Variants in ADAMTSL1 observed in about 807,000 individuals in gnomAD.
The protein encoded by ADAMTSL1 is ADAMTS like 1, also known as ADAMTS-like protein 1.
Under a neutral mutation model 201.8 loss-of-function variants are expected in ADAMTSL1, and 126 were observed. The ratio of observed to expected loss-of-function variants is 0.62; its 90% CI spans 0.54 to 0.72. The LOEUF (loss-of-function observed/expected upper bound fraction) is 0.72, where lower values mean the gene tolerates loss of function less well. Among genes scored for constraint, ADAMTSL1 ranks in the 30% least tolerant of loss-of-function variants. The probability of loss-of-function intolerance (pLI) is 0.00; values close to 1 mark genes in which losing one functional copy is unlikely to be tolerated. For missense variants in ADAMTSL1, 2,679 were observed against 2,277.8 expected, an observed-to-expected ratio of 1.18 and a Z score of -3.59; for synonymous variants, 1,121 against 903.4, an observed-to-expected ratio of 1.24 and a Z score of -4.32.
intron 1 of ADAMTSL1, among the ~76,000 whole-genome samples, chr9:18,049,718 G>A (rs1222832728): frequency 6.6e-6 from 1 of 152,008 alleles, no homozygotes; most frequent in African/African-American, 2.4e-5. Context: ...CCGCCTCCCG[G>A]GTTCACGCCA....
chr9:18,298,939 G>A (rs1401298011), intron 2 of ADAMTSL1, among the ~76,000 whole-genome samples: 4 of 151,516 alleles, frequency 2.6e-5, no homozygotes, highest in Admixed American at 2.6e-4. Flanking sequence ...GTGAACCCGG[G>A]AGGCGGAGCT....
chr9:18,575,200 T>G (rs1231113683), intron 4 of ADAMTSL1, among the ~76,000 whole-genome samples: 1 of 152,170 alleles, frequency 6.6e-6, no homozygotes, highest in African/African-American at 2.4e-5. Flanking sequence ...CATCTATATT[T>G]GGATGTAAAG....
At chr9:18,110,371 A>G (rs1415003431) in intron 1 of ADAMTSL1, among the ~76,000 whole-genome samples, 2 of 152,156 alleles carry the variant, frequency 1.3e-5, no homozygotes, top group East Asian at 3.9e-4. Context: ...TGCTGCAGGT[A>G]GGGAAAGTGC....
At chr9:18,603,467 T>A (rs1824804459) in intron 4 of ADAMTSL1, among the ~76,000 whole-genome samples, 1 of 152,152 alleles carries the variant, frequency 6.6e-6, no homozygotes, top group African/African-American at 2.4e-5. Context: ...ATATATGTCT[T>A]GCTCAGTAGA....
chr9:18,503,402 C>T (rs1392506218), intron 1 of ADAMTSL1, among the ~76,000 whole-genome samples: 1 of 87,902 alleles, frequency 1.1e-5, no homozygotes, highest in Non-Finnish European at 2.6e-5. Context: ...CTTTTTAAGG[C>T]TGAATAGTAT....
chr9:17,947,328 C>CAG (rs1000935405), intron 1 of ADAMTSL1, among the ~76,000 whole-genome samples: 1 of 144,602 alleles, frequency 6.9e-6, no homozygotes, highest in African/African-American at 2.6e-5. Flanking sequence ...CACACACACA[C>CAG]ACACACACAC....
At chr9:18,470,659 G>A (rs527348990), upstream of ADAMTSL1, among the ~76,000 whole-genome samples, 3 of 152,306 alleles carry the variant, frequency 2.0e-5, no homozygotes, top group East Asian at 3.9e-4. Flanking sequence ...GGTGGCTCCA[G>A]AGCAAGACTT....
intron 1 of ADAMTSL1, among the ~76,000 whole-genome samples, chr9:18,081,942 G>T (rs1823515794): frequency 6.6e-6 from 1 of 152,172 alleles, no homozygotes; most frequent in Non-Finnish European, 1.5e-5. Flanking sequence ...TGAGGACAAG[G>T]TTAAGATTGA....
At chr9:18,033,463 T>C (rs1821061531) in intron 1 of ADAMTSL1, among the ~76,000 whole-genome samples, 1 of 152,198 alleles carries the variant, frequency 6.6e-6, no homozygotes, top group African/African-American at 2.4e-5. Context: ...TCCACTTCTT[T>C]CCATTGAGTG....
chr9:18,583,478 G>C (rs143992910), intron 4 of ADAMTSL1, among the ~76,000 whole-genome samples: 3,761 of 152,318 alleles, frequency 0.025, 149 homozygotes, highest in African/African-American at 0.085. Flanking sequence ...GGCTGTCATG[G>C]AGAACCTCTG....
intron 14 of ADAMTSL1, among the ~76,000 whole-genome samples, chr9:18,719,742 A>G (rs552595722): frequency 6.4e-4 from 98 of 152,294 alleles, no homozygotes; most frequent in African/African-American, 2.1e-3. Context: ...CAGCTGAGTC[A>G]CTTTTTAAAT....
intron 3 of ADAMTSL1, among the ~76,000 whole-genome samples, chr9:18,563,265 C>A (rs1257002550): frequency 6.6e-6 from 1 of 152,208 alleles, no homozygotes; most frequent in Non-Finnish European, 1.5e-5. Flanking sequence ...AACAGTCAGG[C>A]TCCTCTGCTG....
intron 1 of ADAMTSL1, among the ~76,000 whole-genome samples, chr9:17,967,137 A>G (rs953790505): frequency 2.0e-5 from 3 of 152,076 alleles, no homozygotes; most frequent in African/African-American, 7.2e-5. Context: ...TGCCAGTTTG[A>G]TCATTGTCTC....
At position 18,527,248 on chromosome 9, in the gene ADAMTSL1, A is replaced by G. The variant is rs535286426; in HGVS notation, c.192-5999A>G. Among the ~76,000 whole-genome samples the G allele has an allele frequency of 7.9e-5, 12 of 152,384 alleles. 1 individual carries two copies. The highest frequency in any genetic ancestry group is 2.9e-4 in the African/African-American group (12 of 41,602). ...GAAATACAGTAACCCATTCTTGCTT[A>G]GCAACATTCTTTGCTTTTTAGCAAT... On this transcript the variant is annotated intron_variant, in intron 2 of 28. Coordinates refer to ENST00000380548, the MANE Select transcript of ADAMTSL1 (RefSeq NM_001040272.6).
chr9:18,886,138 G>A (rs1398588186), intron 23 of ADAMTSL1, among the ~76,000 whole-genome samples: 1 of 133,252 alleles, frequency 7.5e-6, no homozygotes, highest in African/African-American at 2.7e-5. Context: ...AAATATGTAT[G>A]TGTATATATA....
intron 13 of ADAMTSL1, among the ~76,000 whole-genome samples, chr9:18,695,438 T>C (rs995457060): frequency 1.3e-5 from 2 of 152,248 alleles, no homozygotes; most frequent in Non-Finnish European, 2.9e-5. Flanking sequence ...CTGCTTCCCT[T>C]TTAAATATAA....
chr9:18,424,934 C>G (rs1435241721), intron 2 of ADAMTSL1, among the ~76,000 whole-genome samples: 2 of 152,112 alleles, frequency 1.3e-5, no homozygotes, highest in Non-Finnish European at 2.9e-5. Context: ...GACCTCTTAT[C>G]CACATATCCA....
chr9:18,605,805 T>C (rs574578983), intron 4 of ADAMTSL1, among the ~76,000 whole-genome samples: 2 of 152,320 alleles, frequency 1.3e-5, no homozygotes, highest in African/African-American at 4.8e-5. Context: ...TTATTTTACC[T>C]TTGACTGAAA....
intron 23 of ADAMTSL1, among the ~76,000 whole-genome samples, chr9:18,886,219 CAT>C (rs1828881257): frequency 1.2e-4 from 14 of 121,308 alleles, no homozygotes; most frequent in Middle Eastern, 5.0e-3. Context: ...TATACACACA[CAT>C]ACATATACAT....
Sources: allele counts gnomAD v4.1 joint callset (sites outside exome capture counted in the v4.1 genomes callset), GRCh38; gene constraint gnomAD v4.1.1; transcripts MANE v1.5; gene names NCBI Gene and HGNC (gene_info 2026-07-23, HGNC 2026-07-21).